The following SLC22A15 variants were observed in gnomAD, a reference collection of about 807,000 sequenced individuals.
SLC22A15 encodes flipt 1.
SLC22A15 carries 45 observed loss-of-function variants against 62.7 expected under a neutral mutation model. The ratio of observed to expected loss-of-function variants is 0.72; its 90% confidence interval spans 0.56 to 0.92. SLC22A15 has a LOEUF of 0.92. Among genes scored for constraint, SLC22A15 ranks in the 40% least tolerant of loss-of-function variants. The pLI, the probability that SLC22A15 is intolerant of heterozygous loss-of-function variation, is 0.00. For synonymous variants in SLC22A15, 264 were observed against 267.0 expected (o/e 0.99, Z 0.11); for missense variants, 622 against 665.6 (o/e 0.93, Z 0.72).
intron 8 of SLC22A15, among the ~76,000 whole-genome samples, chr1:116,050,700 A>G (rs746343674): frequency 1.2e-4 from 18 of 152,192 alleles, no homozygotes; most frequent in Non-Finnish European, 2.5e-4. Flanking sequence ...CCTCTTCGAC[A>G]TAGTACTGGA....
At chr1:116,009,107 A>C (rs563216139) in intron 2 of SLC22A15, among the ~76,000 whole-genome samples, 86 of 152,326 alleles carry the variant, frequency 5.6e-4, no homozygotes, top group African/African-American at 1.8e-3. Context: ...TACTCTCAGC[A>C]GTTCACTGTA....
intron 8 of SLC22A15, among the ~76,000 whole-genome samples, chr1:116,049,945 T>C (rs111657844): frequency 0.065 from 9,953 of 152,060 alleles, 400 homozygotes; most frequent in Admixed American, 0.12. Context: ...ATACAAAAGA[T>C]CATTCAAGGC....
intron 8 of SLC22A15, among the ~76,000 whole-genome samples, chr1:116,044,838 TTAAAA>T (rs1191808586): frequency 3.3e-5 from 5 of 152,040 alleles, no homozygotes. Flanking sequence ...ACAAAAAACT[TTAAAA>T]TGCTGATGAG....
chr1:116,003,353 T>C (rs1655828067), intron 2 of SLC22A15, among the ~76,000 whole-genome samples: 1 of 152,190 alleles, frequency 6.6e-6, no homozygotes, highest in South Asian at 2.1e-4. Flanking sequence ...CACTGGATCA[T>C]GTGCATCCCA....
At chr1:115,993,866 A>G (rs1313557744) in intron 2 of SLC22A15, among the ~76,000 whole-genome samples, 1 of 151,942 alleles carries the variant, frequency 6.6e-6, no homozygotes, top group Non-Finnish European at 1.5e-5. Flanking sequence ...GGAAATATTT[A>G]CTATTTCCCA....
At chr1:116,049,431 T>G (rs1253844015) in intron 8 of SLC22A15, among the ~76,000 whole-genome samples, 2 of 152,074 alleles carry the variant, frequency 1.3e-5, no homozygotes, top group African/African-American at 2.4e-5. Flanking sequence ...AAACTGGAAA[T>G]CAACTCCAAA....
intron 7 of SLC22A15, among the ~76,000 whole-genome samples, chr1:116,035,575 A>G (rs1194405225): frequency 2.0e-5 from 3 of 152,208 alleles, no homozygotes; most frequent in Non-Finnish European, 4.4e-5. Context: ...TCGAAATCCA[A>G]GATAGTATTG....
At chr1:116,065,941 G>A (rs1019120946) in intron 10 of SLC22A15, among the ~76,000 whole-genome samples, 1 of 152,154 alleles carries the variant, frequency 6.6e-6, no homozygotes, top group Non-Finnish European at 1.5e-5. Flanking sequence ...ACAATTGCTT[G>A]TATCACCAGC....
chr1:116,037,485 C>A, intron 8 of SLC22A15, 97 bp downstream of exon 8: 1 of 888,490 alleles, frequency 1.1e-6, no homozygotes, highest in Non-Finnish European at 1.9e-6. Context: ...TGCTTCATTT[C>A]TGTGATTGCA....
chr1:115,979,666 G>C (rs1324147187), intron 1 of SLC22A15, among the ~76,000 whole-genome samples: 1 of 152,142 alleles, frequency 6.6e-6, no homozygotes, highest in African/African-American at 2.4e-5. Flanking sequence ...TCACTATTTT[G>C]TGTTTGTGTA....
intron 8 of SLC22A15, among the ~76,000 whole-genome samples, chr1:116,061,459 C>G (rs1658377027): frequency 6.6e-6 from 1 of 152,022 alleles, no homozygotes; most frequent in East Asian, 1.9e-4. Context: ...TGCTGACCTT[C>G]AAGAGTAGGA....
intron 2 of SLC22A15, chr1:116,017,742 T>C (rs1305589260): frequency 1.3e-5 from 2 of 153,880 alleles, no homozygotes; most frequent in Non-Finnish European, 2.9e-5. Context: ...TTGCAAGTTC[T>C]CGAGGAGGAG....
At chr1:116,049,295 A>G (rs1191362537) in intron 8 of SLC22A15, among the ~76,000 whole-genome samples, 1 of 152,190 alleles carries the variant, frequency 6.6e-6, no homozygotes, top group Non-Finnish European at 1.5e-5. Context: ...CACAGAATAC[A>G]CATTCTATTC....
At chr1:115,985,674 C>A (rs1654821568) in intron 1 of SLC22A15, among the ~76,000 whole-genome samples, 1 of 151,614 alleles carries the variant, frequency 6.6e-6, no homozygotes, top group South Asian at 2.1e-4. Context: ...GAAGGCCGGG[C>A]GCGGTGGCTC....
At chr1:116,017,433 G>A (rs1374787061) in intron 2 of SLC22A15, 1 of 151,558 alleles carries the variant, frequency 6.6e-6, no homozygotes, top group Non-Finnish European at 1.5e-5. Flanking sequence ...AGAATGGCTA[G>A]GAAAACCAGC....
intron 2 of SLC22A15, 50 bp downstream of exon 2, chr1:115,992,293 A>G: frequency 7.1e-7 from 1 of 1,406,572 alleles, no homozygotes; most frequent in Non-Finnish European, 9.8e-7. Flanking sequence ...CTTTGTCCAC[A>G]TAGAGCTACT....
intron 5 of SLC22A15, among the ~76,000 whole-genome samples, chr1:116,027,862 T>G (rs1657177002): frequency 6.6e-6 from 1 of 152,166 alleles, no homozygotes; most frequent in South Asian, 2.1e-4. Flanking sequence ...TGACCTCAGG[T>G]GATCTGCCCA....
chr1:116,058,769 G>A (rs1178203876), intron 8 of SLC22A15, among the ~76,000 whole-genome samples: 1 of 152,168 alleles, frequency 6.6e-6, no homozygotes, highest in Non-Finnish European at 1.5e-5. Flanking sequence ...ATATACAATG[G>A]AATACTACTC....
chr1:116,067,133 G>T lies in SLC22A15; in HGVS notation c.*25G>T. On this transcript the variant is annotated 3_prime_UTR_variant, in exon 12 of 12. Transcript: ENST00000369503. ...AAGAGCCCCAGATTCCCCCTAAGAA[G>T]CAAAGGATCGTCTTTTATGCCTCTG... The T allele has an allele frequency of 6.3e-7, 1 of 1,578,784 alleles. No individual in the cohort carries two copies. The highest frequency in any genetic ancestry group is 8.7e-7 in the Non-Finnish European group (1 of 1,154,052).
Sources: allele counts gnomAD v4.1 joint callset (sites outside exome capture counted in the v4.1 genomes callset), GRCh38; gene constraint gnomAD v4.1.1; transcripts MANE v1.5; gene names NCBI Gene and HGNC (gene_info 2026-07-23, HGNC 2026-07-21).